The following ZNF512B variants were observed in gnomAD, a reference collection of about 807,000 sequenced individuals.
The protein encoded by ZNF512B is zinc finger protein 512B.
Under a neutral mutation model 87.8 loss-of-function variants are expected in ZNF512B, and 22 were observed. The observed-to-expected ratio is 0.25, with a 90% confidence interval of 0.18 to 0.36. The LOEUF is 0.36. Ranked by LOEUF, ZNF512B falls within the 10% of genes least tolerant of loss-of-function variation. The pLI is 1.00. For synonymous variants in ZNF512B, 524 were observed against 490.9 expected, an observed-to-expected ratio of 1.07 and a Z score of -0.89; for missense variants, 1,060 against 1,231.6, an observed-to-expected ratio of 0.86 and a Z score of 2.09.
At position 63,959,854 on chromosome 20, in the gene ZNF512B, C is replaced by T. The variant is rs1403971330; in HGVS notation, c.*34G>A. The T allele has an allele frequency of 3.9e-6, 6 of 1,524,942 alleles. No homozygotes were observed. Among genetic ancestry groups the T allele is most frequent in the Non-Finnish European group, 5.2e-6 (6 of 1,146,332 alleles). The allele number at this position is 1,524,942 out of a possible 1,614,324, so 94.5% of individuals were successfully genotyped here. A position where few individuals can be genotyped will look rare whatever the true frequency, so the allele number is the denominator to read the frequency against. On this transcript the variant is annotated 3_prime_UTR_variant, in exon 17 of 17. Transcript: ENST00000369888. ...CTGCCTTGAACAGAGGGCGGTGTGG[C>T]GGCTGCATGGGGGCCAGGCCCCACG... is the stretch of plus-strand genomic sequence containing the variant.
intron 3 of ZNF512B, 117 bp from the exon 4 acceptor site, chr20:63,967,121 C>A: frequency 6.8e-7 from 1 of 1,481,394 alleles, no homozygotes. Context: ...ATGAGCCCCT[C>A]AACCTCGGGA....
At position 63,966,646 on chromosome 20, in the gene ZNF512B, T is replaced by G. The variant is rs984957508; in HGVS notation, c.529A>C (p.Ser177Arg). Residue 177 changes from serine (S) to arginine (R), a missense_variant, in exon 5 of 17, where the codon AGC becomes CGC. Coordinates refer to ENST00000369888, the MANE Select transcript of ZNF512B (RefSeq NM_020713.3). ...PLPASKPGPI[S>R]RPVTISRPVG... ...GGCCGGCTGATGGTGACCGGCCTGCTGATGGGCCCAGGCTTGGAGGCAGGC... is the reference window on the plus strand; with the variant it reads ...GGCCGGCTGATGGTGACCGGCCTGCGGATGGGCCCAGGCTTGGAGGCAGGC... 3.1e-6 allele frequency: 5 copies of G among 1,613,252 alleles called. No homozygotes were observed. The African/African-American group carries it at 6.7e-5, about 22-fold the overall frequency.
intron 2 of ZNF512B, 72 bp from the exon 3 acceptor site, chr20:63,967,595 C>T: frequency 6.6e-7 from 1 of 1,520,214 alleles, no homozygotes; most frequent in Non-Finnish European, 8.8e-7. Context: ...CACAGGCCCA[C>T]AGTGAGCACC....
Position 63,967,951 on chromosome 20 carries a change from C to G in ZNF512B, c.-1G>C, listed in dbSNP as rs2058945113. 5 of 1,602,548 alleles carry G rather than the reference C, an allele frequency of 3.1e-6. No individual in the cohort carries two copies. The East Asian group carries it at 1.1e-4, about 36-fold the overall frequency. ...CTCCAACGCAGAAAGGATCCGTCAT[C>G]TCTGCAGAGCAAGTAGACAATCTGT... is the stretch of plus-strand genomic sequence containing the variant. On this transcript the variant is annotated splice_region_variant and 5_prime_UTR_variant, in exon 2 of 17. Transcript: ENST00000369888.
In ZNF512B at chr20:63,958,414, T is replaced by C. The variant is rs1234605521; in HGVS notation, c.*1474A>G. ...AACAATTTAAAAAAAAGGTTGTTAC[T>C]TGTCACAGCAACAAGACTGGCATCC... On this transcript the variant is annotated 3_prime_UTR_variant, in exon 17 of 17. Transcript: ENST00000369888. 1 of 152,416 alleles carries C rather than the reference T, an allele frequency of 6.6e-6. No individual in the cohort carries two copies. Among genetic ancestry groups the C allele is most frequent in the East Asian group, 1.9e-4 (1 of 5,196 alleles). The allele number at this position is 152,416 out of a possible 1,614,324, so 9.4% of individuals were successfully genotyped here.
intron 10 of ZNF512B, 61 bp from the exon 11 acceptor site, chr20:63,963,501 C>T (rs545585467): frequency 8.0e-5 from 124 of 1,553,516 alleles, no homozygotes; most frequent in African/African-American, 6.1e-4. Flanking sequence ...GCCCTGGCCC[C>T]GCCCCGCCCA....
Position 63,963,929 on chromosome 20 carries a change from G to C in ZNF512B, c.1481-16C>G, listed in dbSNP as rs1463893531. The C allele has an allele frequency of 1.2e-6, 2 of 1,607,002 alleles. No homozygotes were observed. The highest frequency in any genetic ancestry group is 1.7e-6 in the Non-Finnish European group (2 of 1,179,890). ...TCAGGGCCACCTGTGGGTAAGGCAGGGGCCTCGAAGGCTTGTGGGGGCTGC... is the reference window on the plus strand; with the variant it reads ...TCAGGGCCACCTGTGGGTAAGGCAGCGGCCTCGAAGGCTTGTGGGGGCTGC... On this transcript the variant is annotated splice_polypyrimidine_tract_variant and intron_variant, in intron 8 of 16. Transcript: ENST00000369888.
rs45570933 is a variant in ZNF512B at position 63,960,107 on chromosome 20, G to A, written c.2460C>T (p.Pro820=). ...CCAATGAGTCCTGGCTCCTGTGTTTGGGAGGTGGGTCTGCTGATGTTCGGA... is the reference window on the plus strand; with the variant it reads ...CCAATGAGTCCTGGCTCCTGTGTTTAGGAGGTGGGTCTGCTGATGTTCGGA... ...NWFRTSADPP[P]KHRSQDSLVP... Residue 820 remains proline (P), a synonymous_variant, in exon 17 of 17, where the codon CCC becomes CCT. Coordinates refer to ENST00000369888, the MANE Select transcript of ZNF512B (RefSeq NM_020713.3). 0.062 allele frequency: 100,644 copies of A among 1,613,860 alleles called. 3,655 individuals are homozygous for A. Among genetic ancestry groups the A allele is most frequent in the Non-Finnish European group, 0.074 (87,180 of 1,179,974 alleles).
intron 1 of ZNF512B, chr20:63,969,101 G>A (rs73149003): frequency 2.0e-5 from 20 of 985,312 alleles, no homozygotes; most frequent in Middle Eastern, 5.2e-4. Flanking sequence ...GCCAGTGTCC[G>A]GGGACAAAGT....
chr20:63,961,322 T>G lies in ZNF512B; in HGVS notation c.2414A>C (p.Lys805Thr), dbSNP rs1350212019. 11 of 1,612,374 alleles carry G rather than the reference T, an allele frequency of 6.8e-6. No individual in the cohort carries two copies. Among genetic ancestry groups the G allele is most frequent in the Non-Finnish European group, 8.5e-6 (10 of 1,179,922 alleles). ...TGGCCCTCGCACCTCTGCGTGGGTC[T>G]TCAGGATGTGGTATTTGACGCCACT... The part of the protein sequence containing the change: ...SESGVKYHIL[K>T]THAENWFRTS... Residue 805 changes from lysine (K) to threonine (T), a missense_variant, in exon 16 of 17, where the codon AAG becomes ACG. Lys to Thr is a moderately conservative substitution (Grantham distance 78). This residue lies in a region of ZNF512B where 253 missense variants were observed against 259.2 expected (regional missense o/e 0.98). Coordinates refer to ENST00000369888, the MANE Select transcript of ZNF512B (RefSeq NM_020713.3). The surrounding 1 kb of genome is among the most constrained non-coding windows in gnomAD (Gnocchi z 6.4).
In ZNF512B at chr20:63,964,307, G is replaced by A. The variant is rs1341165016; in HGVS notation, c.1333+13C>T. ...CCCCAGCCCTGGAGGTGCACACCGG[G>A]CTGGGGTCTTACCTTTGAGCCCAAA... On this transcript the variant is annotated intron_variant, in intron 7 of 16. Coordinates refer to ENST00000369888, the MANE Select transcript of ZNF512B (RefSeq NM_020713.3). 6.2e-7 allele frequency: 1 copy of A among 1,613,926 alleles called. No homozygotes were observed. Among genetic ancestry groups the A allele is most frequent in the Admixed American group, 1.7e-5 (1 of 60,022 alleles).
intron 1 of ZNF512B, chr20:63,969,009 T>G: frequency 4.9e-6 from 3 of 616,672 alleles, no homozygotes; most frequent in Non-Finnish European, 4.1e-6. Context: ...TCCGAGGGGA[T>G]GGGAAGGGGC....
intron 12 of ZNF512B, 151 bp from the exon 13 acceptor site, chr20:63,962,932 G>A: frequency 7.9e-7 from 1 of 1,265,836 alleles, no homozygotes; most frequent in Non-Finnish European, 1.1e-6. Context: ...GGAACACGGA[G>A]GTTTCACCCT....
intron 5 of ZNF512B, 38 bp from the exon 6 acceptor site, chr20:63,964,754 A>G (rs1429515539): frequency 6.2e-7 from 1 of 1,600,184 alleles, no homozygotes; most frequent in East Asian, 2.2e-5. Context: ...AGGAGGGCCT[A>G]ACTGTGGGCC....
rs746225678 is a variant in ZNF512B, at chr20:63,964,189, T to A, written c.1362A>T (p.Arg454=). 5 of 1,599,310 alleles carry A rather than the reference T, an allele frequency of 3.1e-6. No individual in the cohort carries two copies. The highest frequency in any genetic ancestry group is 4.3e-6 in the Non-Finnish European group (5 of 1,173,414). ...KGLVKAEDKA[R]VHRSKKQEGP... ...CCTCCTGCTTCTTGGAGCGGTGAAC[T>A]CGGGCCTTGTCCTCAGCTTTGACCA... Residue 454 remains arginine (R), a synonymous_variant, in exon 8 of 17, where the codon CGA becomes CGT. Coordinates refer to ENST00000369888, the MANE Select transcript of ZNF512B (RefSeq NM_020713.3).
Position 63,961,923 on chromosome 20 carries a change from G to A in ZNF512B, c.2328+19C>T. 1 of 1,550,820 alleles carries A rather than the reference G, an allele frequency of 6.4e-7. No homozygotes were observed. The highest frequency in any genetic ancestry group is 1.4e-5 in the African/African-American group (1 of 73,174). The stretch of plus-strand genomic sequence containing the variant: ...CTGAGTGCAGCGCACCTGGCCGTGG[G>A]GCAGGCCCCAGAACTGACCTTACTG... On this transcript the variant is annotated intron_variant, in intron 15 of 16. Coordinates refer to ENST00000369888, the MANE Select transcript of ZNF512B (RefSeq NM_020713.3). The surrounding 1 kb of genome is among the most constrained non-coding windows in gnomAD (Gnocchi z 6.4).
Position 63,958,144 on chromosome 20 carries a change from A to T in ZNF512B, c.*1744T>A, listed in dbSNP as rs1401638565. 6.6e-6 allele frequency: 1 copy of T among 152,128 alleles called. No individual in the cohort carries two copies. Among genetic ancestry groups the T allele is most frequent in the Admixed American group, 6.5e-5 (1 of 15,278 alleles). The allele number at this position is 152,128 out of a possible 1,614,324, so 9.4% of individuals were successfully genotyped here. A position where few individuals can be genotyped will look rare whatever the true frequency, so the allele number is the denominator to read the frequency against. On this transcript the variant is annotated 3_prime_UTR_variant, in exon 17 of 17. Transcript: ENST00000369888. ...GAAGTGTTCTGCAACCCCAGTCCCC[A>T]AAGTGCTCCTGGAACTTGTCTCCCT...
chr20:63,968,087 C>T (rs988341379), intron 1 of ZNF512B, 135 bp from the exon 2 acceptor site: 134 of 1,205,292 alleles, frequency 1.1e-4, no homozygotes, highest in Non-Finnish European at 1.0e-4. Flanking sequence ...TGGTTTTGTT[C>T]ACGTGGGAAA....
rs1555913545 is a variant in ZNF512B, at chr20:63,966,625, G to A, written c.550C>T (p.Arg184Trp). 20 of 1,613,254 alleles carry A rather than the reference G, an allele frequency of 1.2e-5. No individual in the cohort carries two copies. The highest frequency in any genetic ancestry group is 1.6e-5 in the Non-Finnish European group (19 of 1,179,906). Residue 184 changes from arginine to tryptophan, a missense_variant, in exon 5 of 17, where the codon CGG becomes TGG. Arg to Trp is a moderately radical substitution (Grantham distance 101, BLOSUM62 -3). This residue lies in a region of ZNF512B where 201 missense variants were observed against 226.8 expected (regional missense o/e 0.89). Transcript: ENST00000369888. ...ATGGGCTTGCTGACCCCAACAGGCC[G>A]GCTGATGGTGACCGGCCTGCTGATG... Reference protein sequence around the residue: ...GPISRPVTISRPVGVSKPIGV... With the variant: ...GPISRPVTISWPVGVSKPIGV...
Sources: gnomAD v4.1 joint callset for allele counts on GRCh38, gnomAD v4.1.1 for gene constraint, gnomAD v4.1.1 regional missense constraint, Gnocchi (gnomAD v3.1) non-coding constraint, MANE v1.5 for transcripts, NCBI Gene and HGNC (gene_info 2026-07-23, HGNC 2026-07-21) for gene names.